The following NUP98 variants were observed in gnomAD, a reference collection of about 807,000 sequenced individuals.
The protein encoded by NUP98 is nuclear pore complex protein Nup98-Nup96.
Under a neutral mutation model 191.9 loss-of-function variants are expected in NUP98, and 26 were observed. That is an observed-to-expected ratio of 0.14 (90% CI 0.10 to 0.19). The LOEUF is 0.19. NUP98 is among the 10% of genes least tolerant of loss of function. The pLI is 1.00. For missense variants in NUP98, 1,941 were observed against 2,178.8 expected, an observed-to-expected ratio of 0.89 and a Z score of 2.17; for synonymous variants, 808 against 778.4, an observed-to-expected ratio of 1.04 and a Z score of -0.63.
rs775552772 is a variant in NUP98, at chr11:3,702,838, A to T, written c.3137T>A (p.Val1046Asp). Reference sequence around the variant, plus strand: ...GGGAGTACGACATTCTTGCACAGAGACACTTGGTGAAAGAAAAGCTCCACT... The same window carrying T: ...GGGAGTACGACATTCTTGCACAGAGTCACTTGGTGAAAGAAAAGCTCCACT... ...FTSGAFLSPS[V>D]SVQECRTPRA... Residue 1046 changes from valine (V) to aspartate (D), a missense_variant, in exon 23 of 33, where the codon GTC becomes GAC. Around this residue, in one of 6 missense-constraint regions of NUP98, gnomAD observed 1,030 missense variants for 1,115.8 expected, o/e 0.92. Coordinates refer to ENST00000324932, the MANE Select transcript of NUP98 (RefSeq NM_016320.5). 1 of 1,613,716 alleles carries T rather than the reference A, an allele frequency of 6.2e-7. No individual in the cohort carries two copies. The highest frequency in any genetic ancestry group is 8.5e-7 in the Non-Finnish European group (1 of 1,179,808).
Position 3,693,215 on chromosome 11 carries a change from C to G in NUP98, c.4311+17G>C, listed in dbSNP as rs774050041. ...CACCCAGCAAGATTTTTGCTTGGCT[C>G]TATTGGCCACATATACCTGAAATGC... On this transcript the variant is annotated intron_variant, in intron 27 of 32. Transcript: ENST00000324932. The G allele has an allele frequency of 1.9e-6, 3 of 1,613,114 alleles. No individual in the cohort carries two copies. Among genetic ancestry groups the G allele is most frequent in the Admixed American group, 3.3e-5 (2 of 59,816 alleles).
intron 12 of NUP98, among the ~76,000 whole-genome samples, chr11:3,742,173 C>T (rs990767255): frequency 6.6e-6 from 1 of 152,008 alleles, no homozygotes; most frequent in African/African-American, 2.4e-5. Context: ...GTTCTGATAC[C>T]ATCCTTCAGA....
At chr11:3,709,478 G>A (rs1337237565) in intron 20 of NUP98, among the ~76,000 whole-genome samples, 2 of 151,996 alleles carry the variant, frequency 1.3e-5, no homozygotes, top group Non-Finnish European at 2.9e-5. Context: ...GCCAAGGCAG[G>A]ATACTCATTC....
rs1554886597 is a variant in NUP98 at position 3,688,824 on chromosome 11, T to TATATATATATATATTTAAATATAC, written c.4454+2522_4454+2523insGTATATTTAAATATATATATATAT. 7.3e-3 allele frequency among the ~76,000 whole-genome samples: 1,027 copies of TATATATATATATATTTAAATATAC among 141,546 alleles called. 19 individuals are homozygous for TATATATATATATATTTAAATATAC. Among genetic ancestry groups the TATATATATATATATTTAAATATAC allele is most frequent in the Middle Eastern group, 0.03 (8 of 266 alleles). The allele number at this position is 141,546 out of a possible 152,430, so 92.9% of individuals were successfully genotyped here. ...ATATATATGTATTTAAATATACATA[T>TATATATATATATATTTAAATATAC]ATATATATATATATATATTTATAAG... On this transcript the variant is annotated intron_variant, in intron 28 of 32. Transcript: ENST00000324932.
chr11:3,706,693 CA>C (rs748750210), intron 20 of NUP98, 66 bp from the exon 21 acceptor site: 11 of 1,405,324 alleles, frequency 7.8e-6, no homozygotes, highest in Non-Finnish European at 9.9e-6. Context: ...GATTCTAAAT[CA>C]GATTTACTTT....
At chr11:3,679,427 T>TCA in intron 31 of NUP98, 127 bp downstream of exon 31, 1 of 1,089,916 alleles carries the variant, frequency 9.2e-7, no homozygotes. Context: ...CTCAGCAAGA[T>TCA]GCCTGCTTTG....
At chr11:3,728,007 T>C (rs1057512995) in intron 14 of NUP98, among the ~76,000 whole-genome samples, 4 of 151,600 alleles carry the variant, frequency 2.6e-5, no homozygotes, top group African/African-American at 7.3e-5. Flanking sequence ...GGTGACAGAG[T>C]AAGACCCCGT....
chr11:3,685,876 A>C (rs1370470177), intron 29 of NUP98, 97 bp downstream of exon 29: 12 of 908,726 alleles, frequency 1.3e-5, no homozygotes, highest in Non-Finnish European at 1.8e-5. Flanking sequence ...CACATTCTAC[A>C]CAATTACTTG....
chr11:3,677,573 T>C (rs2077858118), intron 31 of NUP98, among the ~76,000 whole-genome samples: 1 of 152,120 alleles, frequency 6.6e-6, no homozygotes, highest in Non-Finnish European at 1.5e-5. Flanking sequence ...GCTTAATCCC[T>C]ATACTTATCA....
chr11:3,779,130 A>T (rs1270263960), intron 3 of NUP98, 26 bp downstream of exon 3: 1 of 1,613,080 alleles, frequency 6.2e-7, no homozygotes, highest in Non-Finnish European at 8.5e-7. Flanking sequence ...CAAACAAACC[A>T]GTTATATCAC....
At chr11:3,745,169 T>C (rs977070684) in intron 11 of NUP98, among the ~76,000 whole-genome samples, 9 of 152,078 alleles carry the variant, frequency 5.9e-5, no homozygotes, top group Non-Finnish European at 1.2e-4. Context: ...TTTTAAAAAT[T>C]AATTATTCTT....
intron 25 of NUP98, among the ~76,000 whole-genome samples, chr11:3,698,112 TAAG>T (rs1279977771): frequency 1.3e-5 from 2 of 152,208 alleles, no homozygotes; most frequent in Non-Finnish European, 2.9e-5. Context: ...AAAAGAATGC[TAAG>T]AAGTATTTGA....
intron 1 of NUP98, among the ~76,000 whole-genome samples, chr11:3,791,533 CAAAAAAAAAAAAAAA>C (rs71041395): frequency 1.5e-5 from 1 of 67,200 alleles, no homozygotes; most frequent in Non-Finnish European, 2.7e-5. Flanking sequence ...GACCTCGTCT[CAAAAAAAAAAAAAAA>C]AAAAAAAAAA....
intron 2 of NUP98, 148 bp from the exon 3 acceptor site, chr11:3,779,405 G>C: frequency 2.9e-6 from 2 of 687,662 alleles, no homozygotes; most frequent in East Asian, 5.4e-5. Flanking sequence ...ACTTTGGGAG[G>C]CCGAGGCGGG....
intron 28 of NUP98, among the ~76,000 whole-genome samples, 190 bp downstream of exon 28, chr11:3,691,157 G>A (rs748720154): frequency 4.6e-4 from 70 of 152,288 alleles, no homozygotes; most frequent in Non-Finnish European, 8.4e-4. Flanking sequence ...CATTAAAGTT[G>A]ATTAAAATAA....
At chr11:3,713,520 A>G (rs544773209) in intron 19 of NUP98, among the ~76,000 whole-genome samples, 1 of 152,274 alleles carries the variant, frequency 6.6e-6, no homozygotes, top group South Asian at 2.1e-4. Flanking sequence ...GGAGTTGGAG[A>G]CCAGCCTGGT....
At chr11:3,771,968 G>C (rs571037943) in intron 6 of NUP98, 40 bp from the exon 7 acceptor site, 3 of 1,549,694 alleles carry the variant, frequency 1.9e-6, no homozygotes, top group Admixed American at 3.5e-5. Flanking sequence ...TTAACATGCA[G>C]CTAAAAATAA....
At chr11:3,735,162 A>G (rs202119890) in intron 13 of NUP98, 29 bp downstream of exon 13, 5 of 1,527,238 alleles carry the variant, frequency 3.3e-6, no homozygotes, top group African/African-American at 2.8e-5. Context: ...CTTTGATATG[A>G]TATTTTACAG....
chr11:3,712,424 C>T (rs2134166713), intron 20 of NUP98, 140 bp downstream of exon 20: 4 of 1,461,022 alleles, frequency 2.7e-6, no homozygotes, highest in Admixed American at 5.5e-5. Context: ...CCCTCCCTTG[C>T]ACTTGTTTCA....
Sources: allele counts gnomAD v4.1 joint callset (sites outside exome capture counted in the v4.1 genomes callset), GRCh38; gene constraint gnomAD v4.1.1; regional missense constraint gnomAD v4.1.1; transcripts MANE v1.5; gene names NCBI Gene and HGNC (gene_info 2026-07-23, HGNC 2026-07-21).